EXOC4: variants seen among roughly 807,000 people sequenced by gnomAD.
EXOC4 encodes the protein exocyst complex component 4.
A neutral mutation model predicts 107.2 loss-of-function variants in EXOC4; 71 were observed. The observed-to-expected ratio is 0.66, with a 90% confidence interval of 0.55 to 0.81. EXOC4 has a LOEUF of 0.81. Ranked by LOEUF, EXOC4 falls within the 30% of genes least tolerant of loss-of-function variation. The pLI is 0.00. For synonymous variants in EXOC4, 456 were observed against 441.2 expected (o/e 1.03, Z -0.42); for missense variants, 1,108 against 1,189.6 (o/e 0.93, Z 1.01).
At chr7:134,095,844 G>C in the EXOC4 span, among the ~76,000 whole-genome samples, 1 of 152,072 alleles carries the variant, frequency 6.6e-6, no homozygotes, top group South Asian at 2.1e-4. Flanking sequence ...GTAAATGTAA[G>C]ACCCCAAACT....
At position 133,527,562 on chromosome 7, in the gene EXOC4, C is replaced by T. The variant is rs573478862; in HGVS notation, c.1417+47424C>T. Among the ~76,000 whole-genome samples, 4 of 152,222 alleles carry T rather than the reference C, an allele frequency of 2.6e-5. No homozygotes were observed. The South Asian group carries it at 8.3e-4, about 32-fold the overall frequency. ...TCCTATGGTAAGTCTGCTGTTACTA[C>T]ACTCTGAGCAATAGGTAAAGGAATA... On this transcript the variant is annotated intron_variant, in intron 9 of 17. Coordinates refer to ENST00000253861, the MANE Select transcript of EXOC4 (RefSeq NM_021807.4).
chr7:133,681,627 C>T (rs759429117), intron 10 of EXOC4, among the ~76,000 whole-genome samples: 2 of 152,116 alleles, frequency 1.3e-5, no homozygotes, highest in African/African-American at 2.4e-5. Flanking sequence ...ATTACCTCCT[C>T]CTGGGTCCCC....
At chr7:133,737,205 A>G (rs977305677) in intron 10 of EXOC4, among the ~76,000 whole-genome samples, 1 of 152,104 alleles carries the variant, frequency 6.6e-6, no homozygotes, top group East Asian at 1.9e-4. Context: ...CACAGCCCCA[A>G]TCTTTTCACT....
At chr7:134,087,683 T>C in the EXOC4 span, among the ~76,000 whole-genome samples, 1 of 152,166 alleles carries the variant, frequency 6.6e-6, no homozygotes, top group African/African-American at 2.4e-5. Context: ...CAGTCAGAGA[T>C]CACTAGTTGG....
chr7:134,043,762 G>A (rs1256109161), intron 17 of EXOC4, among the ~76,000 whole-genome samples: 7 of 152,152 alleles, frequency 4.6e-5, no homozygotes, highest in Non-Finnish European at 7.3e-5. Flanking sequence ...GTTCTCTCAT[G>A]CAGCTGTGAA....
the EXOC4 span, among the ~76,000 whole-genome samples, chr7:134,093,240 A>G: frequency 0.022 from 3,392 of 152,254 alleles, 118 homozygotes; most frequent in African/African-American, 0.071. Flanking sequence ...CTGCCATGCA[A>G]AACAAAACAA....
chr7:134,080,783 T>G, the EXOC4 span, among the ~76,000 whole-genome samples: 1 of 151,650 alleles, frequency 6.6e-6, no homozygotes, highest in Non-Finnish European at 1.5e-5. Context: ...TAAAAATATA[T>G]ATATATATAA....
At chr7:133,632,798 A>T (rs546399742) in intron 10 of EXOC4, among the ~76,000 whole-genome samples, 4 of 151,882 alleles carry the variant, frequency 2.6e-5, no homozygotes, top group Non-Finnish European at 5.9e-5. Flanking sequence ...TTATGAGACT[A>T]TGTAAATAAA....
At chr7:133,431,333 GA>G (rs758442761) in intron 7 of EXOC4, among the ~76,000 whole-genome samples, 1 of 152,004 alleles carries the variant, frequency 6.6e-6, no homozygotes, top group Non-Finnish European at 1.5e-5. Flanking sequence ...TTCATAACAA[GA>G]AAAAAACATT....
intron 9 of EXOC4, among the ~76,000 whole-genome samples, chr7:133,482,502 G>A (rs1799180887): frequency 6.6e-6 from 1 of 152,158 alleles, no homozygotes. Context: ...CCGTGGGAAG[G>A]CTTTTCAGTC....
intron 10 of EXOC4, among the ~76,000 whole-genome samples, chr7:133,685,628 T>A (rs761733014): frequency 1.3e-5 from 2 of 152,046 alleles, no homozygotes; most frequent in Non-Finnish European, 2.9e-5. Flanking sequence ...AAATAGAAAT[T>A]GAATAAAAAC....
chr7:133,708,447 G>A (rs574311481), intron 10 of EXOC4, among the ~76,000 whole-genome samples: 12 of 152,254 alleles, frequency 7.9e-5, no homozygotes, highest in African/African-American at 2.9e-4. Context: ...GAATGGATTG[G>A]AAGAAGACAA....
At position 133,745,710 on chromosome 7, in the gene EXOC4, C is replaced by CTT. The variant is rs766551871; in HGVS notation, c.1515-71597_1515-71596dup. On this transcript the variant is annotated intron_variant, in intron 10 of 17. Coordinates refer to ENST00000253861, the MANE Select transcript of EXOC4 (RefSeq NM_021807.4). ...TTTAGAACTATTGCCTCCTGTTACT[C>CTT]TTTTTTTTTTTTTTTTTTTCCTGTT... 5.9e-4 allele frequency among the ~76,000 whole-genome samples: 74 copies of CTT among 126,484 alleles called. 2 individuals are homozygous for CTT. The highest frequency in any genetic ancestry group is 2.0e-3 in the African/African-American group (67 of 33,330). 83.0% of individuals were successfully genotyped at this position (126,484 alleles called of 152,430 possible).
At chr7:133,634,920 G>C (rs529290402) in intron 10 of EXOC4, among the ~76,000 whole-genome samples, 5 of 152,204 alleles carry the variant, frequency 3.3e-5, no homozygotes, top group African/African-American at 1.2e-4. Flanking sequence ...TGATATAACT[G>C]ATGCCTTTTT....
At chr7:133,392,071 T>C (rs1796865350) in intron 7 of EXOC4, among the ~76,000 whole-genome samples, 1 of 152,242 alleles carries the variant, frequency 6.6e-6, no homozygotes, top group South Asian at 2.1e-4. Context: ...AGGGAACATT[T>C]CTGCAGTGAG....
At position 133,620,152 on chromosome 7, in the gene EXOC4, A is replaced by G. The variant is rs189592842; in HGVS notation, c.1418-9893A>G. Among the ~76,000 whole-genome samples, 222 of 151,900 alleles carry G rather than the reference A, an allele frequency of 1.5e-3. 2 individuals are homozygous for G. Among genetic ancestry groups the G allele is most frequent in the African/African-American group, 5.1e-3 (211 of 41,440 alleles). The stretch of plus-strand genomic sequence containing the variant: ...ATTCTCGTGCCTCAGCCTCCCATGT[A>G]GCTGGGACCACAAGCGTGCATCACC... On this transcript the variant is annotated intron_variant, in intron 9 of 17. Coordinates refer to ENST00000253861, the MANE Select transcript of EXOC4 (RefSeq NM_021807.4).
At chr7:133,913,065 A>G (rs1259862975) in intron 12 of EXOC4, among the ~76,000 whole-genome samples, 1 of 152,206 alleles carries the variant, frequency 6.6e-6, no homozygotes, top group Non-Finnish European at 1.5e-5. Context: ...AGAGGCAAAC[A>G]AGGAGGATGA....
intron 11 of EXOC4, among the ~76,000 whole-genome samples, chr7:133,845,591 G>A (rs1798110666): frequency 1.3e-5 from 2 of 152,024 alleles, no homozygotes; most frequent in Admixed American, 6.6e-5. Flanking sequence ...CCTGACAGAA[G>A]CATTTCACAT....
chr7:133,833,831 T>C lies in EXOC4; in HGVS notation c.1734+16287T>C, dbSNP rs181466952. 2.6e-5 allele frequency among the ~76,000 whole-genome samples: 4 copies of C among 152,276 alleles called. No individual in the cohort carries two copies. In the East Asian group the frequency reaches 7.7e-4, roughly 29 times the overall value. ...CAGCTTGCCTCGGCCTCCCAACATG[T>C]TGGATTTATAGATGCAAGTCACCGT... On this transcript the variant is annotated intron_variant, in intron 11 of 17. Coordinates refer to ENST00000253861, the MANE Select transcript of EXOC4 (RefSeq NM_021807.4).
Sources: allele counts gnomAD v4.1 joint callset (sites outside exome capture counted in the v4.1 genomes callset), GRCh38; gene constraint gnomAD v4.1.1; transcripts MANE v1.5; gene names NCBI Gene and HGNC (gene_info 2026-07-23, HGNC 2026-07-21).